The following TMEM117 variants were observed in gnomAD, a reference collection of about 807,000 sequenced individuals.
TMEM117 encodes transmembrane protein 117.
A neutral mutation model predicts 52.4 loss-of-function variants in TMEM117; 27 were observed. The observed-to-expected ratio is 0.51, with a 90% CI of 0.38 to 0.71. The LOEUF (loss-of-function observed/expected upper bound fraction) is 0.71. Among genes scored for constraint, TMEM117 ranks in the 30% least tolerant of loss-of-function variants. The pLI, the probability that TMEM117 is intolerant of heterozygous loss-of-function variation, is 0.00. For missense variants in TMEM117, 556 were observed against 630.5 expected (o/e 0.88, Z 1.26); for synonymous variants, 215 against 206.3 (o/e 1.04, Z -0.36).
At chr12:43,902,352 C>G (rs1160055206) in intron 2 of TMEM117, among the ~76,000 whole-genome samples, 1 of 152,130 alleles carries the variant, frequency 6.6e-6, no homozygotes, top group Non-Finnish European at 1.5e-5. Context: ...AGCAAGGGAC[C>G]CAGTTACCAC....
intron 6 of TMEM117, among the ~76,000 whole-genome samples, chr12:44,357,268 T>C (rs1164603310): frequency 6.6e-6 from 1 of 152,096 alleles, no homozygotes. Flanking sequence ...AACCACAGCA[T>C]GGCACCTGCC....
chr12:44,394,636 T>C (rs1952173304), downstream of TMEM117, among the ~76,000 whole-genome samples: 1 of 152,184 alleles, frequency 6.6e-6, no homozygotes. Flanking sequence ...CTAAATTATT[T>C]CCTTCTTTTT....
chr12:44,126,641 G>A (rs1017614680), intron 3 of TMEM117, among the ~76,000 whole-genome samples: 2 of 152,164 alleles, frequency 1.3e-5, no homozygotes, highest in Non-Finnish European at 2.9e-5. Flanking sequence ...AGTACACAGT[G>A]CGCTAGTTGC....
chr12:44,317,002 CTTTT>C (rs1202276425), intron 6 of TMEM117, among the ~76,000 whole-genome samples: 1 of 121,530 alleles, frequency 8.2e-6, no homozygotes. Flanking sequence ...TTTTCTTTTT[CTTTT>C]TTTTTTTTTT....
intron 3 of TMEM117, among the ~76,000 whole-genome samples, chr12:44,106,050 G>T (rs73288040): frequency 0.08 from 12,164 of 152,000 alleles, 1,408 homozygotes; most frequent in African/African-American, 0.26. Context: ...AGGTTTTTCT[G>T]TCCTGGCACT....
intron 2 of TMEM117, among the ~76,000 whole-genome samples, chr12:43,897,966 C>T (rs554723267): frequency 6.6e-6 from 1 of 152,108 alleles, no homozygotes; most frequent in Admixed American, 6.5e-5. Context: ...TTGTCTAATT[C>T]CCATGGCGTC....
intron 5 of TMEM117, among the ~76,000 whole-genome samples, chr12:44,277,761 CTTTTTTTT>C (rs35687259): frequency 0.012 from 1,115 of 95,550 alleles, 22 homozygotes; most frequent in African/African-American, 0.047. Context: ...AAACTCTGAG[CTTTTTTTT>C]TTTTTTTTTT....
At chr12:44,131,951 A>G (rs1219490173) in intron 3 of TMEM117, among the ~76,000 whole-genome samples, 2 of 151,664 alleles carry the variant, frequency 1.3e-5, no homozygotes, top group African/African-American at 2.4e-5. Flanking sequence ...CCTTGTTTTT[A>G]TTTCATTTTG....
intron 6 of TMEM117, among the ~76,000 whole-genome samples, chr12:44,344,421 CT>C (rs1951457314): frequency 6.6e-6 from 1 of 152,010 alleles, no homozygotes; most frequent in African/African-American, 2.4e-5. Flanking sequence ...TTTGTAATAC[CT>C]TTTGAACAAG....
At chr12:44,048,552 A>G (rs1196572158) in intron 3 of TMEM117, among the ~76,000 whole-genome samples, 1 of 152,020 alleles carries the variant, frequency 6.6e-6, no homozygotes, top group Non-Finnish European at 1.5e-5. Flanking sequence ...GTGTACTATC[A>G]TATGCAAATA....
At chr12:43,824,050 A>T in the TMEM117 span, among the ~76,000 whole-genome samples, 1 of 152,236 alleles carries the variant, frequency 6.6e-6, no homozygotes, top group African/African-American at 2.4e-5. Flanking sequence ...AAAAATAATT[A>T]ATTAGCTAAT....
At chr12:43,980,663 G>C (rs1945745666) in intron 3 of TMEM117, among the ~76,000 whole-genome samples, 1 of 152,124 alleles carries the variant, frequency 6.6e-6, no homozygotes. Flanking sequence ...GTTCCATTGT[G>C]ATCTGTTGCA....
chr12:44,271,507 G>A (rs988256212), intron 5 of TMEM117, among the ~76,000 whole-genome samples: 1 of 152,004 alleles, frequency 6.6e-6, no homozygotes, highest in African/African-American at 2.4e-5. Context: ...AGGGAAACAA[G>A]CATCTTTTCA....
chr12:43,893,945 C>A (rs1353469800), intron 2 of TMEM117, among the ~76,000 whole-genome samples: 4 of 152,228 alleles, frequency 2.6e-5, no homozygotes, highest in African/African-American at 9.6e-5. Flanking sequence ...TTCTCCACCT[C>A]TGCATGGTAC....
In TMEM117 at chr12:43,873,484, A is replaced by G. The variant is rs114049411; in HGVS notation, c.277+28556A>G. Among the ~76,000 whole-genome samples the G allele has an allele frequency of 8.1e-3, 1,229 of 152,240 alleles. 16 individuals are homozygous for G. The highest frequency in any genetic ancestry group is 0.027 in the African/African-American group (1,126 of 41,564). ...ACCCTAATGACGTTCTTATTTAACA[A>G]TTAATTTTAATACCAAAATGCAATA... On this transcript the variant is annotated intron_variant, in intron 2 of 7. Coordinates refer to ENST00000266534, the MANE Select transcript of TMEM117 (RefSeq NM_032256.3).
chr12:44,065,198 G>A (rs2137966408), intron 3 of TMEM117, among the ~76,000 whole-genome samples: 1 of 152,232 alleles, frequency 6.6e-6, no homozygotes, highest in African/African-American at 2.4e-5. Context: ...GGCCAAGATG[G>A]TGAAACCCTG....
At chr12:44,302,752 G>C (rs142550226) in intron 6 of TMEM117, among the ~76,000 whole-genome samples, 209 of 152,274 alleles carry the variant, frequency 1.4e-3, no homozygotes, top group Middle Eastern at 3.4e-3. Context: ...GAAGTTGTAG[G>C]AACTAGTACA....
chr12:44,078,931 C>CA (rs1260617175), intron 3 of TMEM117, among the ~76,000 whole-genome samples: 2 of 132,520 alleles, frequency 1.5e-5, no homozygotes, highest in Admixed American at 9.5e-5. Flanking sequence ...TCTCATTGTT[C>CA]AACTCCCACT....
intron 3 of TMEM117, among the ~76,000 whole-genome samples, chr12:44,057,657 G>T (rs1376384665): frequency 6.7e-6 from 1 of 149,308 alleles, no homozygotes; most frequent in African/African-American, 2.5e-5. Context: ...AAAAAAAAAA[G>T]AATATGTCAT....
Sources: gnomAD v4.1 joint callset for allele counts (sites outside exome capture counted in the v4.1 genomes callset) on GRCh38, gnomAD v4.1.1 for gene constraint, MANE v1.5 for transcripts, NCBI Gene and HGNC (gene_info 2026-07-23, HGNC 2026-07-21) for gene names.